The following PUM1 variants were observed in gnomAD, a reference collection of about 807,000 sequenced individuals.
PUM1 encodes the protein pumilio RNA binding family member 1.
PUM1 carries 13 observed loss-of-function variants against 131.8 expected under a neutral mutation model. The observed-to-expected ratio is 0.10, with a 90% CI of 0.06 to 0.16. The LOEUF (loss-of-function observed/expected upper bound fraction) is 0.16, where lower values mean the gene tolerates loss of function less well. PUM1 is among the 10% of genes least tolerant of loss of function. The pLI is 1.00. For synonymous variants in PUM1, 509 were observed against 556.5 expected, an observed-to-expected ratio of 0.91 and a Z score of 1.20; for missense variants, 961 against 1,512.4, an observed-to-expected ratio of 0.64 and a Z score of 6.05.
intron 3 of PUM1, among the ~76,000 whole-genome samples, chr1:31,011,473 A>G (rs1642617768): frequency 6.6e-6 from 1 of 152,186 alleles, no homozygotes; most frequent in South Asian, 2.1e-4. Context: ...AGTAGCAATC[A>G]CTTATATTCA....
chr1:31,004,095 T>C lies in PUM1; in HGVS notation c.720+1758A>G, dbSNP rs138895624. ...TCTAGCCTGAAGTCTTAACCTCCTC[T>C]GTCACGATTCTTTTGTAAAAGAGGT... On this transcript the variant is annotated intron_variant, in intron 5 of 21. Coordinates refer to ENST00000426105, the MANE Select transcript of PUM1 (RefSeq NM_001020658.2). Among the ~76,000 whole-genome samples, 809 of 152,334 alleles carry C rather than the reference T, an allele frequency of 5.3e-3. 5 individuals are homozygous for C. Among genetic ancestry groups the C allele is most frequent in the African/African-American group, 0.018 (764 of 41,576 alleles).
intron 6 of PUM1, among the ~76,000 whole-genome samples, chr1:30,993,415 T>G (rs1641870796): frequency 6.6e-6 from 1 of 151,006 alleles, no homozygotes. Flanking sequence ...ACCCAGGGTC[T>G]ACCATCACCT....
intron 18 of PUM1, among the ~76,000 whole-genome samples, chr1:30,944,457 C>A (rs4949327): frequency 0.28 from 43,160 of 151,952 alleles, 6,625 homozygotes; most frequent in Non-Finnish European, 0.34. Context: ...AGAAGCAATT[C>A]TGGAAAAAGG....
At chr1:30,941,697 AT>A (rs901075662) in intron 19 of PUM1, among the ~76,000 whole-genome samples, 5 of 152,166 alleles carry the variant, frequency 3.3e-5, no homozygotes, top group African/African-American at 1.2e-4. Context: ...AAATCAACTT[AT>A]TTCATTTAAC....
chr1:31,016,069 G>A (rs72885614), intron 3 of PUM1, among the ~76,000 whole-genome samples: 3,653 of 152,186 alleles, frequency 0.024, 172 homozygotes, highest in African/African-American at 0.082. Context: ...GCTGATACAG[G>A]CTTAGCATCC....
chr1:31,003,612 C>T (rs1642294950), intron 5 of PUM1, among the ~76,000 whole-genome samples: 1 of 152,008 alleles, frequency 6.6e-6, no homozygotes, highest in South Asian at 2.1e-4. Context: ...CAAAAATTAC[C>T]CGGGCATGGT....
Position 30,980,072 on chromosome 1 carries a change from T to G in PUM1, c.1344A>C (p.Ala448=). The change falls in exon 9 of 22, where the codon GCA becomes GCC. Residue 448 remains alanine (A), a synonymous_variant. Coordinates refer to ENST00000426105, the MANE Select transcript of PUM1 (RefSeq NM_001020658.2). Reference sequence around the variant, plus strand: ...AGCAGAATGTCTCACCTAGTGTCGCTGCTGCAGCCAATCCAGCTGTGTAGG... The same window carrying G: ...AGCAGAATGTCTCACCTAGTGTCGCGGCTGCAGCCAATCCAGCTGTGTAGG... The part of the protein sequence containing the change: ...TDPYTAGLAA[A]ATLGPAVVPH... 6.2e-7 allele frequency: 1 copy of G among 1,605,042 alleles called. No individual in the cohort carries two copies. The highest frequency in any genetic ancestry group is 1.1e-5 in the South Asian group (1 of 89,974).
At position 30,952,223 on chromosome 1, in the gene PUM1, C is replaced by T; in HGVS notation, c.2721+11G>A. Reference sequence around the variant, plus strand: ...CTCTTAAGTCAAAGGATAGAAAGAACAAAGGCTTACTTCAAAGAACTTCTG... The same window carrying T: ...CTCTTAAGTCAAAGGATAGAAAGAATAAAGGCTTACTTCAAAGAACTTCTG... On this transcript the variant is annotated intron_variant, in intron 16 of 21. Coordinates refer to ENST00000426105, the MANE Select transcript of PUM1 (RefSeq NM_001020658.2). 4 of 1,613,150 alleles carry T rather than the reference C, an allele frequency of 2.5e-6. No homozygotes were observed. Among genetic ancestry groups the T allele is most frequent in the Non-Finnish European group, 3.4e-6 (4 of 1,179,184 alleles).
At chr1:30,945,764 C>T (rs1189490920) in intron 17 of PUM1, among the ~76,000 whole-genome samples, 1 of 152,034 alleles carries the variant, frequency 6.6e-6, no homozygotes, top group Admixed American at 6.5e-5. Context: ...CAAAGAAAAG[C>T]CTCTTAAGAG....
At chr1:31,063,666 AGAG>A (rs1215053479) in intron 1 of PUM1, among the ~76,000 whole-genome samples, 4 of 152,370 alleles carry the variant, frequency 2.6e-5, no homozygotes, top group South Asian at 4.1e-4. Context: ...TCCACATAAA[AGAG>A]GAGTTTATCA....
chr1:30,966,109 G>A lies in PUM1; in HGVS notation c.1959C>T (p.Ser653=). 6.2e-7 allele frequency: 1 copy of A among 1,614,172 alleles called. No individual in the cohort carries two copies. The highest frequency in any genetic ancestry group is 1.1e-5 in the South Asian group (1 of 91,086). ...AGAAGAGGGAGCTGCTCTGTGAATT[G>A]CTGTTCAGAGAGTTGTTGCCGTAGA... ...SSFYGNNSLN[S]NSQSSSLFSQ... The change falls in exon 13 of 22, where the codon AGC becomes AGT. Residue 653 remains serine (S), a synonymous_variant. Transcript: ENST00000426105.
chr1:31,026,943 A>AC (rs1171948133), intron 3 of PUM1, among the ~76,000 whole-genome samples: 1 of 99,980 alleles, frequency 1.0e-5, no homozygotes, highest in Non-Finnish European at 1.9e-5. Context: ...TACATATACC[A>AC]CAAAAAAAAA....
intron 20 of PUM1, among the ~76,000 whole-genome samples, chr1:30,938,566 T>C (rs1639308314): frequency 6.6e-6 from 1 of 152,142 alleles, no homozygotes. Flanking sequence ...ATTTTTTCTT[T>C]TTAAAATAAG....
At chr1:31,011,628 C>T (rs1280115346) in intron 3 of PUM1, among the ~76,000 whole-genome samples, 1 of 152,158 alleles carries the variant, frequency 6.6e-6, no homozygotes, top group Non-Finnish European at 1.5e-5. Flanking sequence ...TAACATCATC[C>T]ACAGCGTTGG....
rs759399977 is a variant in PUM1 at position 30,953,918 on chromosome 1, C to T, written c.2387G>A (p.Arg796His). ...SAAPGAEAKY[R>H]SASSASSLFS... ...GAGGCTGGAGGCGCTGCTTGCACTGCGGTACTTGGCTTCAGCGCCTGGAGC... is the reference window on the plus strand; with the variant it reads ...GAGGCTGGAGGCGCTGCTTGCACTGTGGTACTTGGCTTCAGCGCCTGGAGC... The change falls in exon 15 of 22, where the codon CGC becomes CAC. Residue 796 changes from arginine (R) to histidine (H), a missense_variant. Coordinates refer to ENST00000426105, the MANE Select transcript of PUM1 (RefSeq NM_001020658.2). The T allele has an allele frequency of 6.2e-7, 1 of 1,614,194 alleles. No individual in the cohort carries two copies. Among genetic ancestry groups the T allele is most frequent in the Non-Finnish European group, 8.5e-7 (1 of 1,180,030 alleles).
At chr1:31,049,231 A>G (rs1644046826) in intron 2 of PUM1, among the ~76,000 whole-genome samples, 1 of 147,244 alleles carries the variant, frequency 6.8e-6, no homozygotes, top group Admixed American at 6.9e-5. Flanking sequence ...AACTACAAAA[A>G]TTGGCTGGGG....
In PUM1 at chr1:30,979,157, A is replaced by G. The variant is rs187351666; in HGVS notation, c.1354+905T>C. Among the ~76,000 whole-genome samples, 166 of 152,108 alleles carry G rather than the reference A, an allele frequency of 1.1e-3. 2 individuals carry two copies. The highest frequency in any genetic ancestry group is 3.6e-3 in the African/African-American group (150 of 41,426). ...AAAGAGAAAAAAAAAAAGAGGGGAA[A>G]AAACTCATGTATACATCCCACAAGC... On this transcript the variant is annotated intron_variant, in intron 9 of 21. Coordinates refer to ENST00000426105, the MANE Select transcript of PUM1 (RefSeq NM_001020658.2).
In PUM1 at chr1:30,932,978, ACAG is replaced by A; in HGVS notation, c.*230_*232del. ...TACAAGTATCCTATACACCAGTAAA[ACAG>A]CAGGGCAATTAGTCAATTAAAAAAA... On this transcript the variant is annotated 3_prime_UTR_variant, in exon 22 of 22. Transcript: ENST00000426105. 2.3e-6 allele frequency: 1 copy of A among 430,690 alleles called. No homozygotes were observed. 26.7% of individuals were successfully genotyped at this position (430,690 alleles called of 1,614,324 possible). A position where few individuals can be genotyped will look rare whatever the true frequency, so the allele number is the denominator to read the frequency against.
Position 30,950,013 on chromosome 1 carries a change from A to C in PUM1, c.2856+114T>G, listed in dbSNP as rs1479733567. ...TGCCATGCACAAAAAGGCAGCCATA[A>C]GCAACAATGCAAAACCATAAAAGAA... On this transcript the variant is annotated intron_variant, in intron 17 of 21. Transcript: ENST00000426105. 3 of 1,244,850 alleles carry C rather than the reference A, an allele frequency of 2.4e-6. No homozygotes were observed. In the African/African-American group the frequency reaches 4.6e-5, roughly 19 times the overall value. The allele number at this position is 1,244,850 out of a possible 1,614,324, so 77.1% of individuals were successfully genotyped here. A position where few individuals can be genotyped will look rare whatever the true frequency, so the allele number is the denominator to read the frequency against.
Sources: gnomAD v4.1 joint callset for allele counts (sites outside exome capture counted in the v4.1 genomes callset) on GRCh38, gnomAD v4.1.1 for gene constraint, MANE v1.5 for transcripts, NCBI Gene and HGNC (gene_info 2026-07-23, HGNC 2026-07-21) for gene names.